CLN3: variants seen among roughly 807,000 people sequenced by gnomAD.
The protein encoded by CLN3 is CLN3 lysosomal/endosomal transmembrane protein, battenin.
A neutral mutation model predicts 60.7 loss-of-function variants in CLN3; 49 were observed. That is an observed-to-expected ratio of 0.81 (90% CI 0.64 to 1.02). The LOEUF is 1.02. Among genes scored for constraint, CLN3 ranks in the 50% least tolerant of loss-of-function variants. The pLI is 0.00. For synonymous variants in CLN3, 256 were observed against 245.8 expected, an observed-to-expected ratio of 1.04 and a Z score of -0.39; for missense variants, 516 against 557.4, an observed-to-expected ratio of 0.93 and a Z score of 0.75.
chr16:28,491,579 G>A lies in CLN3; in HGVS notation c.47-19C>T. On this transcript the variant is annotated intron_variant, in intron 2 of 15. Transcript: ENST00000636147. ...TCCTCCCCTGGGAGAGCGAGAAGAG[G>A]GCATGACCCCCACCTACTCTCAGGT... is the stretch of plus-strand genomic sequence containing the variant. The A allele has an allele frequency of 6.2e-7, 1 of 1,613,916 alleles. No individual in the cohort carries two copies. Among genetic ancestry groups the A allele is most frequent in the Non-Finnish European group, 8.5e-7 (1 of 1,179,938 alleles).
At chr16:28,488,551 G>T in intron 5 of CLN3, 40 bp downstream of exon 5, 1 of 1,558,118 alleles carries the variant, frequency 6.4e-7, no homozygotes, top group Non-Finnish European at 8.9e-7. Context: ...AGACCCAGGG[G>T]CCCTGGGTCA....
At chr16:28,478,617 T>TATAAAAAAAAAAA (rs2046036186) in intron 14 of CLN3, among the ~76,000 whole-genome samples, 1 of 74,356 alleles carries the variant, frequency 1.3e-5, no homozygotes, top group African/African-American at 7.6e-5. Flanking sequence ...TCCTGTCTCA[T>TATAAAAAAAAAAA]AAAAAAAAAA....
At position 28,491,852 on chromosome 16, in the gene CLN3, G is replaced by C. The variant is rs2046320729; in HGVS notation, c.-76-17C>G. 6.7e-7 allele frequency: 1 copy of C among 1,491,198 alleles called. No homozygotes were observed. Among genetic ancestry groups the C allele is most frequent in the South Asian group, 1.2e-5 (1 of 86,242 alleles). The allele number at this position is 1,491,198 out of a possible 1,614,324, so 92.4% of individuals were successfully genotyped here. A position where few individuals can be genotyped will look rare whatever the true frequency, so the allele number is the denominator to read the frequency against. On this transcript the variant is annotated splice_polypyrimidine_tract_variant and intron_variant, in intron 1 of 15. Transcript: ENST00000636147. ...GATGAGGGTCTGCGACAGGTGACAA[G>C]GATCAACGCCCGATTGCCGGTCCCA...
intron 5 of CLN3, chr16:28,487,963 T>A: frequency 1.8e-6 from 1 of 568,466 alleles, no homozygotes; most frequent in South Asian, 1.9e-5. Context: ...AATGGGAATA[T>A]CATAGCACCT....
chr16:28,473,429 A>G (rs191293449), downstream of CLN3, among the ~76,000 whole-genome samples: 74 of 151,754 alleles, frequency 4.9e-4, no homozygotes, highest in African/African-American at 1.7e-3. Context: ...GAACCTTGCA[A>G]TGTTGCTCAT....
chr16:28,491,622 G>C lies in CLN3; in HGVS notation c.47-62C>G, dbSNP rs765664012. 3.1e-6 allele frequency: 5 copies of C among 1,613,534 alleles called. 1 individual carries two copies. The highest frequency in any genetic ancestry group is 1.7e-5 in the Admixed American group (1 of 59,934). ...TCTCAGGTGCACGACCGCTCCTTGC[G>C]TGTCCTCCCGGGGCCGAGTCAGCTC... On this transcript the variant is annotated intron_variant, in intron 2 of 15. Coordinates refer to ENST00000636147, the MANE Select transcript of CLN3 (RefSeq NM_001042432.2).
chr16:28,473,871 C>T (rs1361112490), downstream of CLN3, among the ~76,000 whole-genome samples: 2 of 151,966 alleles, frequency 1.3e-5, no homozygotes, highest in African/African-American at 2.4e-5. Flanking sequence ...CATTAGTCAC[C>T]AGGGACATGC....
At chr16:28,470,693 G>T, downstream of CLN3, 1 of 566,154 alleles carries the variant, frequency 1.8e-6, no homozygotes, top group South Asian at 2.0e-5. Flanking sequence ...GAAGGGGGCT[G>T]TTGGGCACCT....
At chr16:28,484,632 G>A (rs1228583649) in intron 9 of CLN3, 1 of 192,112 alleles carries the variant, frequency 5.2e-6, no homozygotes, top group African/African-American at 2.4e-5. Flanking sequence ...TTACAGCTGT[G>A]AGCCACTGTG....
At chr16:28,476,274 A>C (rs1216993162), downstream of CLN3, 1 of 151,872 alleles carries the variant, frequency 6.6e-6, no homozygotes, top group Non-Finnish European at 1.5e-5. Flanking sequence ...TGCCAGGAGC[A>C]GTGGCTCATG....
chr16:28,472,214 A>G (rs973537284), downstream of CLN3, among the ~76,000 whole-genome samples: 2 of 151,926 alleles, frequency 1.3e-5, no homozygotes, highest in Non-Finnish European at 2.9e-5. Context: ...GGAGTTTGAG[A>G]CCAGACTGGG....
At chr16:28,489,442 C>A in intron 3 of CLN3, 56 bp from the exon 4 acceptor site, 1 of 1,315,948 alleles carries the variant, frequency 7.6e-7, no homozygotes, top group Non-Finnish European at 1.1e-6. Flanking sequence ...CATCTGTAGC[C>A]TTTGTGCCAA....
chr16:28,475,102 T>A (rs1305024726), downstream of CLN3, among the ~76,000 whole-genome samples: 2 of 151,968 alleles, frequency 1.3e-5, no homozygotes, highest in Non-Finnish European at 2.9e-5. Flanking sequence ...ATATAAAAAT[T>A]AGCCAGGTAT....
Position 28,492,040 on chromosome 16 carries a change from T to G in CLN3, c.-97A>C. On this transcript the variant is annotated 5_prime_UTR_variant, in exon 1 of 16. Transcript: ENST00000636147. ...TGTACCTTTAAGAGCAGCAGAATGT[T>G]CTGCACTATGCAGAGGCCGTTTGTC... 1.8e-6 allele frequency: 1 copy of G among 569,558 alleles called. No homozygotes were observed. The highest frequency in any genetic ancestry group is 3.1e-6 in the Non-Finnish European group (1 of 317,468). 35.3% of individuals were successfully genotyped at this position (569,558 alleles called of 1,614,324 possible). A position where few individuals can be genotyped will look rare whatever the true frequency, so the allele number is the denominator to read the frequency against.
intron 14 of CLN3, among the ~76,000 whole-genome samples, chr16:28,479,932 G>A (rs2046059093): frequency 6.6e-6 from 1 of 152,106 alleles, no homozygotes; most frequent in African/African-American, 2.4e-5. Flanking sequence ...AAGGAAGGAG[G>A]CTGGAGGATA....
rs772089665 is a variant in CLN3 at position 28,477,492 on chromosome 16, C to G, written c.*24G>C. 2 of 1,612,206 alleles carry G rather than the reference C, an allele frequency of 1.2e-6. No homozygotes were observed. Among genetic ancestry groups the G allele is most frequent in the Non-Finnish European group, 1.7e-6 (2 of 1,179,996 alleles). ...TCCCTCTGCCCACAGGTGAATGTGA[C>G]CTGCGTCCTGAGGATCCCGAGTATC... On this transcript the variant is annotated 3_prime_UTR_variant, in exon 16 of 16. Transcript: ENST00000636147.
chr16:28,480,545 C>A (rs1278303069), intron 14 of CLN3, among the ~76,000 whole-genome samples: 4 of 152,070 alleles, frequency 2.6e-5, no homozygotes, highest in Non-Finnish European at 5.9e-5. Context: ...AGATGACAGG[C>A]AGGTGCCACC....
At chr16:28,482,970 G>T (rs1385977138) in intron 10 of CLN3, among the ~76,000 whole-genome samples, 2 of 151,874 alleles carry the variant, frequency 1.3e-5, no homozygotes, top group Non-Finnish European at 2.9e-5. Flanking sequence ...CATGTGTGGT[G>T]GCAGGTGTCT....
At chr16:28,482,256 C>G (rs1176203775) in intron 13 of CLN3, 58 bp from the exon 14 acceptor site, 5 of 1,603,168 alleles carry the variant, frequency 3.1e-6, no homozygotes, top group Admixed American at 1.7e-5. Context: ...CCCGCTCCCC[C>G]CGGTGCCTAC....
Sources: gnomAD v4.1 joint callset for allele counts (sites outside exome capture counted in the v4.1 genomes callset) on GRCh38, gnomAD v4.1.1 for gene constraint, MANE v1.5 for transcripts, NCBI Gene and HGNC (gene_info 2026-07-23, HGNC 2026-07-21) for gene names.